The following SETD7 variants were observed in gnomAD, a reference collection of about 807,000 sequenced individuals.
The protein encoded by SETD7 is SET domain containing 7, histone lysine methyltransferase.
A neutral mutation model predicts 41.8 loss-of-function variants in SETD7; 16 were observed. The ratio of observed to expected loss-of-function variants is 0.38; its 90% CI spans 0.26 to 0.58. The LOEUF (loss-of-function observed/expected upper bound fraction) is 0.58, where lower values mean the gene tolerates loss of function less well. Among genes scored for constraint, SETD7 ranks in the 20% least tolerant of loss-of-function variants. SETD7 has a pLI of 0.64. For synonymous variants in SETD7, 163 were observed against 169.7 expected, an observed-to-expected ratio of 0.96 and a Z score of 0.31; for missense variants, 346 against 459.7, an observed-to-expected ratio of 0.75 and a Z score of 2.26.
intron 7 of SETD7, among the ~76,000 whole-genome samples, chr4:139,513,840 T>TTGTGC (rs1483412465): frequency 6.6e-6 from 1 of 152,236 alleles, no homozygotes; most frequent in Non-Finnish European, 1.5e-5. Flanking sequence ...AAAGTAGGAT[T>TTGTGC]CAACTAATAT....
chr4:139,515,844 T>C (rs927677732), intron 7 of SETD7, among the ~76,000 whole-genome samples: 5 of 152,210 alleles, frequency 3.3e-5, no homozygotes, highest in Non-Finnish European at 7.3e-5. Flanking sequence ...TTGCTTATGC[T>C]AACAAGCAAG....
intron 1 of SETD7, among the ~76,000 whole-genome samples, chr4:139,553,200 C>A (rs1378612655): frequency 1.3e-5 from 2 of 152,212 alleles, no homozygotes; most frequent in African/African-American, 4.8e-5. Context: ...CCCAGAGTTA[C>A]AATCATACCC....
intron 7 of SETD7, among the ~76,000 whole-genome samples, chr4:139,497,321 G>A (rs915007022): frequency 5.3e-5 from 8 of 151,920 alleles, no homozygotes; most frequent in African/African-American, 1.9e-4. Context: ...TGGGCATGGT[G>A]GCAGGCACCT....
intron 4 of SETD7, among the ~76,000 whole-genome samples, chr4:139,524,265 T>C (rs1206449028): frequency 6.6e-6 from 1 of 152,132 alleles, no homozygotes; most frequent in Non-Finnish European, 1.5e-5. Context: ...CCCCAATGAA[T>C]ACCTGAAACT....
chr4:139,553,911 A>G (rs1728184383), intron 1 of SETD7, among the ~76,000 whole-genome samples: 1 of 152,226 alleles, frequency 6.6e-6, no homozygotes. Context: ...TGTAAAGACT[A>G]TTGCAAACAG....
chr4:139,494,288 C>G (rs1224203722), downstream of SETD7, among the ~76,000 whole-genome samples: 1 of 152,198 alleles, frequency 6.6e-6, no homozygotes, highest in African/African-American at 2.4e-5. Flanking sequence ...AATGTACTCT[C>G]TCACTACCTT....
At chr4:139,528,164 C>T (rs550537060) in intron 4 of SETD7, among the ~76,000 whole-genome samples, 20 of 152,192 alleles carry the variant, frequency 1.3e-4, no homozygotes, top group South Asian at 1.0e-3. Context: ...TGTATATTTT[C>T]CAGATTTTCT....
rs536787346 is a variant in SETD7 at position 139,507,382 on chromosome 4, G to T, written c.*4281C>A. ...AGCCTACGAGCTCTCTCCACGTCAG[G>T]TGCAACAACGCCGAGGAAGTTGCTG... On this transcript the variant is annotated 3_prime_UTR_variant, in exon 8 of 8. Coordinates refer to ENST00000274031, the MANE Select transcript of SETD7 (RefSeq NM_030648.4). The T allele has an allele frequency of 6.6e-6, 1 of 152,664 alleles. No homozygotes were observed. The highest frequency in any genetic ancestry group is 1.5e-5 in the Non-Finnish European group (1 of 68,042). The allele number at this position is 152,664 out of a possible 1,614,324, so 9.5% of individuals were successfully genotyped here.
chr4:139,523,025 A>G (rs565828126), intron 5 of SETD7, among the ~76,000 whole-genome samples: 2 of 152,076 alleles, frequency 1.3e-5, no homozygotes, highest in Non-Finnish European at 2.9e-5. Flanking sequence ...AAATGCTGGG[A>G]CTGCAGGCAT....
intron 2 of SETD7, among the ~76,000 whole-genome samples, chr4:139,535,011 C>T (rs977910205): frequency 1.3e-5 from 2 of 152,110 alleles, no homozygotes; most frequent in Admixed American, 1.3e-4. Flanking sequence ...GACAAATAGG[C>T]TTCCTAAATT....
At chr4:139,528,132 A>G (rs1727383471) in intron 4 of SETD7, among the ~76,000 whole-genome samples, 1 of 152,206 alleles carries the variant, frequency 6.6e-6, no homozygotes, top group Non-Finnish European at 1.5e-5. Context: ...GCCACTCAAA[A>G]TGCAAAATCT....
chr4:139,552,654 C>T (rs922649482), intron 1 of SETD7, among the ~76,000 whole-genome samples: 1 of 152,154 alleles, frequency 6.6e-6, no homozygotes, highest in Non-Finnish European at 1.5e-5. Context: ...TTGTAAGCTC[C>T]ATGTTGCAGC....
rs1044612985 is a variant in SETD7 at position 139,555,187 on chromosome 4, A to C, written c.40+911T>G. ...CATCGTTTTTTCAGAACTAACAAAAAAAAAAAAAAAAAGGTGGAGAAACTC... is the reference window on the plus strand; with the variant it reads ...CATCGTTTTTTCAGAACTAACAAAACAAAAAAAAAAAAGGTGGAGAAACTC... On this transcript the variant is annotated intron_variant, in intron 1 of 7. Transcript: ENST00000274031. The surrounding 1 kb of genome is among the most constrained non-coding windows in gnomAD (Gnocchi z 4.0). Among the ~76,000 whole-genome samples, 5 of 129,236 alleles carry C rather than the reference A, an allele frequency of 3.9e-5. No individual in the cohort carries two copies. Among genetic ancestry groups the C allele is most frequent in the African/African-American group, 1.3e-4 (5 of 38,686 alleles). 84.8% of individuals were successfully genotyped at this position (129,236 alleles called of 152,430 possible). A position where few individuals can be genotyped will look rare whatever the true frequency, so the allele number is the denominator to read the frequency against.
At chr4:139,505,782 A>G (rs1234686187), downstream of SETD7, among the ~76,000 whole-genome samples, 1 of 152,082 alleles carries the variant, frequency 6.6e-6, no homozygotes, top group African/African-American at 2.4e-5. Flanking sequence ...TGCATTCCAT[A>G]CCCTTACCAT....
chr4:139,536,318 A>T (rs753770411), intron 2 of SETD7, among the ~76,000 whole-genome samples: 4 of 152,234 alleles, frequency 2.6e-5, no homozygotes, highest in Non-Finnish European at 5.9e-5. Context: ...GGGGGAAAAA[A>T]AGTTATGATT....
chr4:139,519,937 A>G (rs557224743), intron 6 of SETD7, among the ~76,000 whole-genome samples: 2 of 152,326 alleles, frequency 1.3e-5, no homozygotes, highest in South Asian at 4.1e-4. Context: ...TTTGCACAAG[A>G]AGATGTAAGG....
At chr4:139,548,613 C>G (rs2111174682) in intron 1 of SETD7, among the ~76,000 whole-genome samples, 1 of 152,300 alleles carries the variant, frequency 6.6e-6, no homozygotes, top group East Asian at 1.9e-4. Flanking sequence ...GCGTGGGCAA[C>G]AAGAATGAAA....
chr4:139,529,350 C>G (rs180858150), intron 3 of SETD7, 130 bp from the exon 4 acceptor site: 1 of 633,906 alleles, frequency 1.6e-6, no homozygotes, highest in African/African-American at 1.9e-5. Flanking sequence ...TTTAGGAACC[C>G]AGAGCTTTTC....
chr4:139,503,205 C>A (rs1268818143), downstream of SETD7, among the ~76,000 whole-genome samples: 1 of 135,648 alleles, frequency 7.4e-6, no homozygotes, highest in Non-Finnish European at 1.6e-5. Flanking sequence ...AAAAAAGAAG[C>A]TGGTCTGTGT....
Sources: allele counts gnomAD v4.1 joint callset (sites outside exome capture counted in the v4.1 genomes callset), GRCh38; gene constraint gnomAD v4.1.1; non-coding constraint Gnocchi (gnomAD v3.1); transcripts MANE v1.5; gene names NCBI Gene and HGNC (gene_info 2026-07-23, HGNC 2026-07-21).